The following TLCD4 variants were observed in gnomAD, a reference collection of about 807,000 sequenced individuals.
The protein encoded by TLCD4 is TLC domain-containing protein 4.
Under a neutral mutation model 24.2 loss-of-function variants are expected in TLCD4, and 7 were observed. That is an observed-to-expected ratio of 0.29 (90% CI 0.16 to 0.54). The LOEUF (loss-of-function observed/expected upper bound fraction) is 0.54. Among genes scored for constraint, TLCD4 ranks in the 20% least tolerant of loss-of-function variants. TLCD4 has a pLI of 0.95. For missense variants in TLCD4, 259 were observed against 313.9 expected, an observed-to-expected ratio of 0.82 and a Z score of 1.32; for synonymous variants, 103 against 106.4, an observed-to-expected ratio of 0.97 and a Z score of 0.20.
chr1:95,130,072 A>G (rs565521148), intron 1 of TLCD4, among the ~76,000 whole-genome samples: 2 of 152,338 alleles, frequency 1.3e-5, no homozygotes, highest in Non-Finnish European at 2.9e-5. Flanking sequence ...AGAGCTTTAT[A>G]TACATTCTTT....
At chr1:95,139,698 G>T (rs1373144635) in intron 1 of TLCD4, among the ~76,000 whole-genome samples, 1 of 151,994 alleles carries the variant, frequency 6.6e-6, no homozygotes, top group Non-Finnish European at 1.5e-5. Flanking sequence ...GACCTCAGGT[G>T]ATCCACCAGC....
the TLCD4 span, among the ~76,000 whole-genome samples, chr1:95,101,592 G>A: frequency 6.6e-6 from 1 of 152,036 alleles, no homozygotes; most frequent in Non-Finnish European, 1.5e-5. Flanking sequence ...AGAGCTCTGT[G>A]TTCTACCTCA....
intron 5 of TLCD4, among the ~76,000 whole-genome samples, chr1:95,170,749 G>GT (rs561798353): frequency 9.9e-5 from 15 of 152,058 alleles, no homozygotes; most frequent in Non-Finnish European, 2.1e-4. Context: ...GTTGTATACT[G>GT]TTTCCAAAGT....
chr1:95,156,609 T>A (rs1428402345), intron 5 of TLCD4, among the ~76,000 whole-genome samples: 1 of 152,164 alleles, frequency 6.6e-6, no homozygotes, highest in Non-Finnish European at 1.5e-5. Context: ...GTGCTTGAAG[T>A]AATATAGGTG....
At chr1:95,133,785 C>T (rs1676969594) in intron 1 of TLCD4, among the ~76,000 whole-genome samples, 1 of 151,924 alleles carries the variant, frequency 6.6e-6, no homozygotes, top group Admixed American at 6.6e-5. Flanking sequence ...CACACACTGG[C>T]TTCAACCTTC....
chr1:95,128,109 T>C (rs1008098450), intron 1 of TLCD4, among the ~76,000 whole-genome samples: 4 of 152,078 alleles, frequency 2.6e-5, no homozygotes, highest in Non-Finnish European at 4.4e-5. Context: ...AAGTTTTCGG[T>C]GGAGTGAGAT....
chr1:95,191,903 C>T lies in TLCD4; in HGVS notation c.*35C>T, dbSNP rs764984616. On this transcript the variant is annotated 3_prime_UTR_variant, in exon 7 of 7. Transcript: ENST00000370203. ...ACCGATAAGCAAACTTCATTACTACCCAGCATATCTGCTGATAGGATGAAT... is the reference window on the plus strand; with the variant it reads ...ACCGATAAGCAAACTTCATTACTACTCAGCATATCTGCTGATAGGATGAAT... The T allele has an allele frequency of 6.3e-7, 1 of 1,586,072 alleles. No individual in the cohort carries two copies. Among genetic ancestry groups the T allele is most frequent in the African/African-American group, 1.4e-5 (1 of 74,028 alleles).
the TLCD4 span, among the ~76,000 whole-genome samples, chr1:95,092,747 C>T: frequency 3.3e-5 from 5 of 152,300 alleles, no homozygotes; most frequent in South Asian, 6.2e-4. Flanking sequence ...CGCGAAGGTC[C>T]GCGGCTTCAT....
At chr1:95,187,203 C>G (rs1678855430) in intron 6 of TLCD4, among the ~76,000 whole-genome samples, 1 of 152,206 alleles carries the variant, frequency 6.6e-6, no homozygotes, top group African/African-American at 2.4e-5. Flanking sequence ...CCAGCTTCCC[C>G]TATTGTTAGC....
At position 95,144,016 on chromosome 1, in the gene TLCD4, A is replaced by G. The variant is rs377200526; in HGVS notation, c.115A>G (p.Asn39Asp). The G allele has an allele frequency of 1.5e-5, 24 of 1,565,616 alleles. No individual in the cohort carries two copies. In the African/African-American group the frequency reaches 3.2e-4, roughly 21 times the overall value. Residue 39 changes from asparagine (N) to aspartate (D), a missense_variant, in exon 2 of 7, where the codon AAT becomes GAT. Coordinates refer to ENST00000370203, the MANE Select transcript of TLCD4 (RefSeq NM_152487.3). ...TTCAGCAAAAGTTTCTCCAGGTTTCAATAGTCTCAGCTTCAAAAAGAAGAT... is the reference window on the plus strand; with the variant it reads ...TTCAGCAAAAGTTTCTCCAGGTTTCGATAGTCTCAGCTTCAAAAAGAAGAT... Reference protein sequence around the residue: ...WFSAKVSPGFNSLSFKKKIEW... With the variant: ...WFSAKVSPGFDSLSFKKKIEW...
the TLCD4 span, among the ~76,000 whole-genome samples, chr1:95,103,904 T>C: frequency 6.6e-6 from 1 of 152,258 alleles, no homozygotes; most frequent in Non-Finnish European, 1.5e-5. Context: ...ATTTCACCTC[T>C]ATGTTGATAC....
intron 2 of TLCD4, among the ~76,000 whole-genome samples, chr1:95,145,032 A>T (rs1265982850): frequency 6.6e-6 from 1 of 152,196 alleles, no homozygotes; most frequent in Non-Finnish European, 1.5e-5. Flanking sequence ...GTGTGTGTAC[A>T]ACTTATTAAT....
At chr1:95,177,126 T>C (rs533273690) in intron 6 of TLCD4, among the ~76,000 whole-genome samples, 1 of 152,356 alleles carries the variant, frequency 6.6e-6, no homozygotes, top group Non-Finnish European at 1.5e-5. Context: ...ACTTCTGAAG[T>C]TCTCTGTGAT....
rs944309652 is a variant in TLCD4 at position 95,192,349 on chromosome 1, A to C, written c.*481A>C. On this transcript the variant is annotated 3_prime_UTR_variant, in exon 7 of 7. Coordinates refer to ENST00000370203, the MANE Select transcript of TLCD4 (RefSeq NM_152487.3). ...AAATTAAAATTTAGTTTTCATCCCAAGATGTCTTTTCTGCCTTTCTTTTGC... is the reference window on the plus strand; with the variant it reads ...AAATTAAAATTTAGTTTTCATCCCACGATGTCTTTTCTGCCTTTCTTTTGC... 1 of 152,758 alleles carries C rather than the reference A, an allele frequency of 6.5e-6. No individual in the cohort carries two copies. The highest frequency in any genetic ancestry group is 6.5e-5 in the Admixed American group (1 of 15,318). 9.5% of individuals were successfully genotyped at this position (152,758 alleles called of 1,614,324 possible).
In TLCD4 at chr1:95,192,059, G is replaced by A; in HGVS notation, c.*191G>A. The A allele has an allele frequency of 7.6e-7, 1 of 1,322,360 alleles. No individual in the cohort carries two copies. Among genetic ancestry groups the A allele is most frequent in the Non-Finnish European group, 9.8e-7 (1 of 1,016,766 alleles). 81.9% of individuals were successfully genotyped at this position (1,322,360 alleles called of 1,614,324 possible). On this transcript the variant is annotated 3_prime_UTR_variant, in exon 7 of 7. Transcript: ENST00000370203. ...TGCCTGTAATCCCAGCACTTTGGGA[G>A]GCCAAGGTGGGTCGATCACTGAGGT...
At chr1:95,139,365 CTA>C (rs1403185268) in intron 1 of TLCD4, among the ~76,000 whole-genome samples, 1 of 150,220 alleles carries the variant, frequency 6.7e-6, no homozygotes, top group African/African-American at 2.4e-5. Flanking sequence ...TTAGGCAACA[CTA>C]AATTGATTTT....
chr1:95,162,861 C>G (rs893824091), intron 5 of TLCD4, among the ~76,000 whole-genome samples: 2 of 152,280 alleles, frequency 1.3e-5, no homozygotes, highest in South Asian at 2.1e-4. Context: ...GAGTTTCTGC[C>G]GAGAGATCCG....
chr1:95,127,404 C>A (rs554146034), intron 1 of TLCD4, among the ~76,000 whole-genome samples: 1 of 152,282 alleles, frequency 6.6e-6, no homozygotes, highest in South Asian at 2.1e-4. Context: ...AAGAACTTCC[C>A]TGACTCCATA....
At position 95,191,856 on chromosome 1, in the gene TLCD4, A is replaced by G. The variant is rs761527873; in HGVS notation, c.780A>G (p.Gly260=). 4 of 1,613,160 alleles carry G rather than the reference A, an allele frequency of 2.5e-6. No individual in the cohort carries two copies. The highest frequency in any genetic ancestry group is 3.4e-6 in the Non-Finnish European group (4 of 1,179,622). ...QEKAKNSLQN[G]KLD ...AAGCCAAAAATAGTCTTCAGAATGG[A>G]AAACTTGATTAAAAGAGTGCTACCG... The change falls in exon 7 of 7, where the codon GGA becomes GGG. Residue 260 remains glycine (G), a synonymous_variant. Transcript: ENST00000370203.
Sources: gnomAD v4.1 joint callset for allele counts (sites outside exome capture counted in the v4.1 genomes callset) on GRCh38, gnomAD v4.1.1 for gene constraint, MANE v1.5 for transcripts, NCBI Gene and HGNC (gene_info 2026-07-23, HGNC 2026-07-21) for gene names.